LYPD6: variants seen among roughly 807,000 people sequenced by gnomAD.
LYPD6 encodes LY6/PLAUR domain containing 6.
LYPD6 carries 15 observed loss-of-function variants against 22.7 expected under a neutral mutation model. The ratio of observed to expected loss-of-function variants is 0.66; its 90% CI spans 0.44 to 1.02. LYPD6 has a LOEUF of 1.02. Among genes scored for constraint, LYPD6 ranks in the 50% least tolerant of loss-of-function variants. LYPD6 has a pLI of 0.00. For synonymous variants in LYPD6, 72 were observed against 77.5 expected, an observed-to-expected ratio of 0.93 and a Z score of 0.37; for missense variants, 189 against 208.4, an observed-to-expected ratio of 0.91 and a Z score of 0.57.
At chr2:149,377,792 C>A (rs1464671784) in intron 1 of LYPD6, among the ~76,000 whole-genome samples, 1 of 116,892 alleles carries the variant, frequency 8.6e-6, no homozygotes. Context: ...CCCCCCCCCC[C>A]ACCCCCCCAA....
chr2:149,484,414 T>C, the LYPD6 span, among the ~76,000 whole-genome samples: 4 of 152,324 alleles, frequency 2.6e-5, no homozygotes, highest in South Asian at 8.3e-4. Flanking sequence ...TGGAAAATCC[T>C]TTTCAGACTA....
At chr2:149,407,378 C>T (rs1253296758) in intron 1 of LYPD6, among the ~76,000 whole-genome samples, 5 of 152,170 alleles carry the variant, frequency 3.3e-5, no homozygotes, top group Admixed American at 1.3e-4. Flanking sequence ...ACCAATCAGA[C>T]GTAGATTTGG....
intron 1 of LYPD6, among the ~76,000 whole-genome samples, chr2:149,343,207 G>A (rs1681194205): frequency 6.6e-6 from 1 of 152,076 alleles, no homozygotes; most frequent in Non-Finnish European, 1.5e-5. Context: ...GTGTGTTTCA[G>A]ATCTCTTCCG....
chr2:149,373,729 C>T lies in LYPD6; in HGVS notation c.-72+43007C>T, dbSNP rs559192081. Among the ~76,000 whole-genome samples, 26 of 152,208 alleles carry T rather than the reference C, an allele frequency of 1.7e-4. No individual in the cohort carries two copies. In the South Asian group the frequency reaches 2.1e-3, roughly 12 times the overall value. On this transcript the variant is annotated intron_variant, in intron 1 of 4. Coordinates refer to ENST00000334166, the MANE Select transcript of LYPD6 (RefSeq NM_194317.5). ...TGGAGGTGTGCTGGTAGAAGCCACA[C>T]GGTAGTGAAACAAAGCTGTATGTGT...
intron 1 of LYPD6, among the ~76,000 whole-genome samples, chr2:149,363,113 C>T (rs149364044): frequency 4.3e-4 from 65 of 152,294 alleles, no homozygotes; most frequent in African/African-American, 1.6e-3. Context: ...TAAAGTTTCA[C>T]TATGCCAAGG....
At chr2:149,438,073 A>G (rs2105150657) in intron 2 of LYPD6, among the ~76,000 whole-genome samples, 1 of 152,264 alleles carries the variant, frequency 6.6e-6, no homozygotes, top group Non-Finnish European at 1.5e-5. Flanking sequence ...TCTGATTCTG[A>G]ACACTCTTCC....
intron 1 of LYPD6, among the ~76,000 whole-genome samples, chr2:149,423,522 GCTGA>G (rs1683126659): frequency 6.6e-6 from 1 of 152,066 alleles, no homozygotes. Flanking sequence ...CTATGTTTCT[GCTGA>G]CTGTGACATG....
intron 1 of LYPD6, among the ~76,000 whole-genome samples, chr2:149,337,493 T>G (rs1268989670): frequency 6.6e-6 from 1 of 152,142 alleles, no homozygotes; most frequent in Non-Finnish European, 1.5e-5. Flanking sequence ...CAGTTGGTTT[T>G]GTGCTTTGGG....
intron 1 of LYPD6, among the ~76,000 whole-genome samples, chr2:149,348,494 T>C (rs932043587): frequency 2.2e-4 from 33 of 152,320 alleles, no homozygotes; most frequent in African/African-American, 6.7e-4. Context: ...GAGAGAGCCC[T>C]GAGGACCTCT....
rs1234293418 is a variant in LYPD6 at position 149,423,306 on chromosome 2, A to C, written c.-71-14332A>C. The stretch of plus-strand genomic sequence containing the variant: ...AATAAAGGAAGGTTCTCTTAAAGTA[A>C]GCTTCTGGGTTATTTGAATTTTAAA... On this transcript the variant is annotated intron_variant, in intron 1 of 4. Coordinates refer to ENST00000334166, the MANE Select transcript of LYPD6 (RefSeq NM_194317.5). Among the ~76,000 whole-genome samples the C allele has an allele frequency of 2.0e-5, 3 of 152,150 alleles. No individual in the cohort carries two copies. The East Asian group carries it at 5.8e-4, about 29-fold the overall frequency.
intron 1 of LYPD6, among the ~76,000 whole-genome samples, chr2:149,376,973 C>G (rs1191773529): frequency 6.6e-6 from 1 of 152,184 alleles, no homozygotes; most frequent in Non-Finnish European, 1.5e-5. Flanking sequence ...CTTTGCATCT[C>G]CTTTGTCACT....
At chr2:149,339,532 T>C (rs1400761861) in intron 1 of LYPD6, among the ~76,000 whole-genome samples, 1 of 152,200 alleles carries the variant, frequency 6.6e-6, no homozygotes, top group Non-Finnish European at 1.5e-5. Context: ...CTTGTTACTA[T>C]GACGTTTTTA....
At chr2:149,460,935 T>C (rs1428616225) in intron 3 of LYPD6, among the ~76,000 whole-genome samples, 2 of 151,992 alleles carry the variant, frequency 1.3e-5, no homozygotes, top group Admixed American at 1.3e-4. Flanking sequence ...ATGAACTGAA[T>C]GAAATTAAAA....
At chr2:149,347,353 A>T (rs1681276934) in intron 1 of LYPD6, among the ~76,000 whole-genome samples, 2 of 152,044 alleles carry the variant, frequency 1.3e-5, no homozygotes, top group Non-Finnish European at 2.9e-5. Context: ...ATTTTGGGGG[A>T]CACAAACATT....
intron 1 of LYPD6, among the ~76,000 whole-genome samples, chr2:149,423,467 C>T (rs892058279): frequency 1.1e-4 from 16 of 152,038 alleles, no homozygotes; most frequent in African/African-American, 2.7e-4. Flanking sequence ...CAAAATGAGA[C>T]GATTGCCTAC....
chr2:149,377,665 A>G (rs1219443280), intron 1 of LYPD6, among the ~76,000 whole-genome samples: 5 of 152,082 alleles, frequency 3.3e-5, no homozygotes, highest in African/African-American at 9.7e-5. Flanking sequence ...CTATAGTTCC[A>G]GCTACTCGGG....
At chr2:149,403,736 A>T (rs1682620939) in intron 1 of LYPD6, among the ~76,000 whole-genome samples, 1 of 151,920 alleles carries the variant, frequency 6.6e-6, no homozygotes, top group South Asian at 2.1e-4. Flanking sequence ...CTTTAGTTTA[A>T]TTAGATCCCA....
intron 1 of LYPD6, among the ~76,000 whole-genome samples, chr2:149,336,023 G>A (rs1027516558): frequency 6.6e-6 from 1 of 152,154 alleles, no homozygotes; most frequent in African/African-American, 2.4e-5. Flanking sequence ...TATGTTTGTT[G>A]CCAAGTGTTG....
intron 1 of LYPD6, among the ~76,000 whole-genome samples, chr2:149,356,813 C>T (rs904223891): frequency 6.6e-6 from 1 of 152,136 alleles, no homozygotes; most frequent in Non-Finnish European, 1.5e-5. Flanking sequence ...TCCAAATATT[C>T]TTGTCTACTG....
Sources: allele counts gnomAD v4.1 joint callset (sites outside exome capture counted in the v4.1 genomes callset), GRCh38; gene constraint gnomAD v4.1.1; transcripts MANE v1.5; gene names NCBI Gene and HGNC (gene_info 2026-07-23, HGNC 2026-07-21).